CAP2: variants seen among roughly 807,000 people sequenced by gnomAD.
CAP2 encodes the protein cyclase associated actin cytoskeleton regulatory protein 2.
In CAP2, 24 loss-of-function variants were observed where a neutral mutation model predicts 57.7. The observed-to-expected ratio is 0.42, with a 90% CI of 0.30 to 0.58. The LOEUF (loss-of-function observed/expected upper bound fraction) is 0.58. CAP2 is among the 20% of genes least tolerant of loss of function. The pLI, the probability that CAP2 is intolerant of heterozygous loss-of-function variation, is 0.22. For synonymous variants in CAP2, 194 were observed against 207.2 expected (o/e 0.94, Z 0.55); for missense variants, 501 against 590.3 (o/e 0.85, Z 1.57).
chr6:17,437,797 A>C (rs1052322781), intron 3 of CAP2, among the ~76,000 whole-genome samples: 6 of 152,004 alleles, frequency 3.9e-5, no homozygotes, highest in African/African-American at 1.5e-4. Flanking sequence ...GAATAGCTTG[A>C]ATCTGGGAGG....
chr6:17,433,302 C>T (rs1337521061), intron 3 of CAP2, among the ~76,000 whole-genome samples: 1 of 152,230 alleles, frequency 6.6e-6, no homozygotes, highest in Non-Finnish European at 1.5e-5. Context: ...TTGCTCTCTC[C>T]TTGTGGTATA....
rs1048823003 is a variant in CAP2 at position 17,539,269 on chromosome 6, G to A, written c.637G>A (p.Gly213Ser). 1 of 1,605,204 alleles carries A rather than the reference G, an allele frequency of 6.2e-7. No individual in the cohort carries two copies. Among genetic ancestry groups the A allele is most frequent in the Non-Finnish European group, 8.5e-7 (1 of 1,174,698 alleles). Residue 213 changes from glycine to serine, a missense_variant and splice_region_variant, in exon 8 of 13, where the codon GGT (glycine) becomes AGT (serine). By Grantham distance (56) the Gly-to-Ser change is moderately conservative. Transcript: ENST00000229922. ...HTTGLTWSKT[G>S]PVASTVSAFS... ...AATGCCCTGTCTTCTGTCTTCTCAG[G>A]GTCCTGTAGCATCCACAGTATCAGC... is the stretch of plus-strand genomic sequence containing the variant.
chr6:17,404,377 G>C (rs1033500411), intron 1 of CAP2, among the ~76,000 whole-genome samples: 1 of 152,102 alleles, frequency 6.6e-6, no homozygotes, highest in African/African-American at 2.4e-5. Flanking sequence ...AGGCCAAGGC[G>C]GGCAGATCAC....
chr6:17,432,972 C>T (rs186778124), intron 3 of CAP2, among the ~76,000 whole-genome samples: 35 of 148,358 alleles, frequency 2.4e-4, no homozygotes, highest in Middle Eastern at 3.4e-3. Flanking sequence ...TCCCCCCTCC[C>T]TCCCTCTCTC....
chr6:17,431,131 A>G (rs1028780436), intron 3 of CAP2, among the ~76,000 whole-genome samples: 1 of 152,186 alleles, frequency 6.6e-6, no homozygotes, highest in Non-Finnish European at 1.5e-5. Flanking sequence ...GAAGGGGACA[A>G]TAGACAGTGG....
intron 7 of CAP2, among the ~76,000 whole-genome samples, chr6:17,528,082 CTATT>C (rs1234166250): frequency 1.3e-5 from 2 of 152,212 alleles, no homozygotes; most frequent in Admixed American, 1.3e-4. Context: ...CTTCAGTACA[CTATT>C]TAATAAATTA....
At chr6:17,549,347 C>T (rs564450076) in intron 11 of CAP2, among the ~76,000 whole-genome samples, 1 of 152,062 alleles carries the variant, frequency 6.6e-6, no homozygotes, top group Admixed American at 6.6e-5. Flanking sequence ...CCTATAATTC[C>T]AGATACTCAG....
chr6:17,438,583 C>T (rs767737873), intron 3 of CAP2, among the ~76,000 whole-genome samples: 5 of 144,694 alleles, frequency 3.5e-5, no homozygotes, highest in Non-Finnish European at 4.5e-5. Flanking sequence ...GGACTACAGG[C>T]GCCCACAACC....
At chr6:17,533,312 T>C (rs1762694780) in intron 7 of CAP2, among the ~76,000 whole-genome samples, 1 of 152,064 alleles carries the variant, frequency 6.6e-6, no homozygotes, top group Non-Finnish European at 1.5e-5. Flanking sequence ...CTACAGTTCA[T>C]ATATTTAAAA....
intron 3 of CAP2, among the ~76,000 whole-genome samples, chr6:17,448,871 C>T (rs1438056474): frequency 2.0e-5 from 3 of 151,960 alleles, no homozygotes; most frequent in Non-Finnish European, 4.4e-5. Flanking sequence ...AAGAGATTCT[C>T]CTGCCTCAGC....
At position 17,456,498 on chromosome 6, in the gene CAP2, C is replaced by G. The variant is rs1021041735; in HGVS notation, c.223-6498C>G. Among the ~76,000 whole-genome samples the G allele has an allele frequency of 1.8e-4, 27 of 152,218 alleles. 1 individual carries two copies. Among genetic ancestry groups the G allele is most frequent in the African/African-American group, 6.0e-4 (25 of 41,540 alleles). On this transcript the variant is annotated intron_variant, in intron 3 of 12. Coordinates refer to ENST00000229922, the MANE Select transcript of CAP2 (RefSeq NM_006366.3). ...TTCTTTACCTCTTCATTGGCAGAAACTCTAGGGACTTTTCCTTTAGGGTAG... is the reference window on the plus strand; with the variant it reads ...TTCTTTACCTCTTCATTGGCAGAAAGTCTAGGGACTTTTCCTTTAGGGTAG...
chr6:17,409,670 C>A (rs768533535), intron 1 of CAP2, among the ~76,000 whole-genome samples: 2 of 151,980 alleles, frequency 1.3e-5, no homozygotes, highest in Non-Finnish European at 2.9e-5. Context: ...GCTTTAGGTC[C>A]CTACTCGTAA....
At chr6:17,520,083 A>AT (rs1315964674) in intron 7 of CAP2, among the ~76,000 whole-genome samples, 3 of 151,580 alleles carry the variant, frequency 2.0e-5, no homozygotes, top group South Asian at 2.1e-4. Flanking sequence ...ATGTAGTTCT[A>AT]TTTTTTTTGT....
At chr6:17,400,822 G>A (rs1758790688) in intron 1 of CAP2, among the ~76,000 whole-genome samples, 2 of 149,650 alleles carry the variant, frequency 1.3e-5, no homozygotes, top group South Asian at 2.1e-4. Context: ...CCGAGATCGC[G>A]CCATTGCATT....
chr6:17,520,458 A>G (rs995602148), intron 7 of CAP2, among the ~76,000 whole-genome samples: 1 of 152,070 alleles, frequency 6.6e-6, no homozygotes, highest in Non-Finnish European at 1.5e-5. Flanking sequence ...AATCCATCCT[A>G]TACACTATCA....
At chr6:17,436,683 C>T (rs1759899442) in intron 3 of CAP2, among the ~76,000 whole-genome samples, 1 of 152,006 alleles carries the variant, frequency 6.6e-6, no homozygotes, top group Non-Finnish European at 1.5e-5. Flanking sequence ...CTCCCTTGCT[C>T]CAGTCTCCTC....
intron 12 of CAP2, among the ~76,000 whole-genome samples, chr6:17,553,985 G>A (rs1763233876): frequency 6.6e-6 from 1 of 152,194 alleles, no homozygotes; most frequent in African/African-American, 2.4e-5. Context: ...AATATTGGCT[G>A]CACAAACACA....
chr6:17,451,489 G>A (rs1760400877), intron 3 of CAP2, among the ~76,000 whole-genome samples: 1 of 151,794 alleles, frequency 6.6e-6, no homozygotes, highest in African/African-American at 2.4e-5. Context: ...TAGCATCTCA[G>A]CACATAGTAG....
Position 17,513,673 on chromosome 6 carries a change from G to A in CAP2, c.531-176G>A, listed in dbSNP as rs986105578. Among the ~76,000 whole-genome samples, 1 of 152,064 alleles carries A rather than the reference G, an allele frequency of 6.6e-6. No individual in the cohort carries two copies. Among genetic ancestry groups the A allele is most frequent in the African/African-American group, 2.4e-5 (1 of 41,374 alleles). Reference sequence around the variant, plus strand: ...GCCGCCTCCCCTCAGGAGAGTACTGGGCCAGCTTCCTCCCAGGGTTCCCTT... The same window carrying A: ...GCCGCCTCCCCTCAGGAGAGTACTGAGCCAGCTTCCTCCCAGGGTTCCCTT... On this transcript the variant is annotated intron_variant, in intron 6 of 12. Transcript: ENST00000229922. This position sits in a 1 kb window ranked among gnomAD's most constrained non-coding sequence, Gnocchi z 4.3.
Sources: gnomAD v4.1 joint callset for allele counts (sites outside exome capture counted in the v4.1 genomes callset) on GRCh38, gnomAD v4.1.1 for gene constraint, Gnocchi (gnomAD v3.1) non-coding constraint, MANE v1.5 for transcripts, NCBI Gene and HGNC (gene_info 2026-07-23, HGNC 2026-07-21) for gene names.